DDX31: variants seen among roughly 807,000 people sequenced by gnomAD.
DDX31 encodes the protein DEAD-box helicase 31.
In DDX31, 70 loss-of-function variants were observed where a neutral mutation model predicts 91.3. The ratio of observed to expected loss-of-function variants is 0.77; its 90% CI spans 0.63 to 0.94. The LOEUF (loss-of-function observed/expected upper bound fraction) is 0.94. Among genes scored for constraint, DDX31 ranks in the 40% least tolerant of loss-of-function variants. The probability of loss-of-function intolerance (pLI) is 0.00; values close to 1 mark genes in which losing one functional copy is unlikely to be tolerated. For synonymous variants in DDX31, 362 were observed against 350.6 expected (o/e 1.03, Z -0.36); for missense variants, 902 against 925.0 (o/e 0.98, Z 0.32).
intron 6 of DDX31, chr9:132,658,254 A>G (rs770934006): frequency 2.8e-6 from 2 of 702,740 alleles, no homozygotes; most frequent in East Asian, 5.4e-5. Context: ...AGCCAAACAG[A>G]ACTGAGGTAG....
chr9:132,613,443 C>T (rs1831460632), intron 18 of DDX31, among the ~76,000 whole-genome samples: 1 of 152,132 alleles, frequency 6.6e-6, no homozygotes, highest in African/African-American at 2.4e-5. Flanking sequence ...CCTGTAATCC[C>T]AGCACTTTGG....
chr9:132,614,700 C>A (rs1831533801), intron 18 of DDX31, among the ~76,000 whole-genome samples: 2 of 152,152 alleles, frequency 1.3e-5, no homozygotes, highest in African/African-American at 4.8e-5. Context: ...GAGCTGAGCA[C>A]TGAGAGCATC....
intron 19 of DDX31, among the ~76,000 whole-genome samples, chr9:132,603,914 C>T (rs955113036): frequency 9.2e-5 from 14 of 152,058 alleles, no homozygotes; most frequent in South Asian, 2.1e-4. Context: ...GAGGAGGGTG[C>T]GTTTGTTCCA....
chr9:132,652,808 T>C (rs1834292350), intron 6 of DDX31, among the ~76,000 whole-genome samples: 1 of 152,024 alleles, frequency 6.6e-6, no homozygotes, highest in Admixed American at 6.6e-5. Context: ...TTATCAGGGG[T>C]TTCTGCTTTT....
chr9:132,629,457 G>A (rs1832593443), intron 16 of DDX31, among the ~76,000 whole-genome samples: 2 of 152,218 alleles, frequency 1.3e-5, no homozygotes, highest in Admixed American at 6.5e-5. Context: ...GATGGGAGAC[G>A]GGGCAGGTGT....
At chr9:132,645,775 G>T in intron 13 of DDX31, 120 bp downstream of exon 13, 2 of 1,096,108 alleles carry the variant, frequency 1.8e-6, no homozygotes, top group Non-Finnish European at 1.3e-6. Context: ...CTTGCCCAGT[G>T]GAGTGTGCAA....
Position 132,637,843 on chromosome 9 carries a change from AAAAAGCATACCCCAGAG to A in DDX31, c.1440+4144_1440+4160del. The A allele has an allele frequency of 3.0e-6, 3 of 986,264 alleles. No homozygotes were observed. In the East Asian group the frequency reaches 3.4e-4, roughly 112 times the overall value. The allele number at this position is 986,264 out of a possible 1,614,324, so 61.1% of individuals were successfully genotyped here. On this transcript the variant is annotated intron_variant, in intron 14 of 19. Coordinates refer to ENST00000372159, the MANE Select transcript of DDX31 (RefSeq NM_022779.9). ...AAAACGAAAAAGATACACTTTACCT[AAAAAGCATACCCCAGAG>A]AAAAGCACGAAAGTCTACATTTATT...
chr9:132,649,835 AAAGC>A (rs1387230029), intron 9 of DDX31, among the ~76,000 whole-genome samples: 1 of 152,364 alleles, frequency 6.6e-6, no homozygotes, highest in Middle Eastern at 3.4e-3. Context: ...TCGGTTGTAA[AAAGC>A]AAGTTACAAA....
intron 19 of DDX31, among the ~76,000 whole-genome samples, chr9:132,606,174 T>C (rs1055277182): frequency 1.5e-4 from 23 of 152,186 alleles, no homozygotes; most frequent in African/African-American, 5.3e-4. Flanking sequence ...TCTCATCTCA[T>C]GTTTGGCCAA....
At chr9:132,624,877 C>T (rs1008199681) in intron 17 of DDX31, among the ~76,000 whole-genome samples, 2 of 152,228 alleles carry the variant, frequency 1.3e-5, no homozygotes, top group African/African-American at 4.8e-5. Flanking sequence ...GATCCAAATA[C>T]AGGCACATGC....
chr9:132,642,484 T>C (rs1833564592), intron 13 of DDX31, among the ~76,000 whole-genome samples: 1 of 152,178 alleles, frequency 6.6e-6, no homozygotes, highest in Admixed American at 6.5e-5. Flanking sequence ...AGATTAGATA[T>C]TTATAAAACT....
chr9:132,631,012 C>A (rs946483165), intron 15 of DDX31, among the ~76,000 whole-genome samples: 1 of 152,264 alleles, frequency 6.6e-6, no homozygotes, highest in South Asian at 2.1e-4. Context: ...AGGTTCCCTG[C>A]AGGTAGGGAC....
intron 14 of DDX31, among the ~76,000 whole-genome samples, chr9:132,634,178 T>A (rs1362710351): frequency 6.6e-6 from 1 of 152,202 alleles, no homozygotes; most frequent in Non-Finnish European, 1.5e-5. Context: ...TACTTTTCTC[T>A]TTGTGTTTGG....
chr9:132,647,395 G>GT (rs1342195791), intron 11 of DDX31, among the ~76,000 whole-genome samples: 1 of 152,124 alleles, frequency 6.6e-6, no homozygotes, highest in Non-Finnish European at 1.5e-5. Flanking sequence ...TCACAAAAGC[G>GT]TTTTTGCTAT....
At chr9:132,606,022 C>T (rs983823334) in intron 19 of DDX31, among the ~76,000 whole-genome samples, 3 of 151,866 alleles carry the variant, frequency 2.0e-5, no homozygotes, top group Non-Finnish European at 2.9e-5. Flanking sequence ...GTTTGGGAAG[C>T]GGAGGGAAGA....
At position 132,595,284 on chromosome 9, in the gene DDX31, A is replaced by T. The variant is rs1830385110; in HGVS notation, c.1995-172T>A. ...TTGATATTCGATGCACCAGAAGATT[A>T]GATACGGCGCTGACAGATTTTCATA... On this transcript the variant is annotated intron_variant, in intron 19 of 19. Transcript: ENST00000372159. The surrounding 1 kb of genome is among the most constrained non-coding windows in gnomAD (Gnocchi z 4.6). Among the ~76,000 whole-genome samples the T allele has an allele frequency of 6.6e-6, 1 of 152,248 alleles. No homozygotes were observed. Among genetic ancestry groups the T allele is most frequent in the African/African-American group, 2.4e-5 (1 of 41,462 alleles).
chr9:132,663,307 G>C, intron 1 of DDX31: 2 of 1,288,972 alleles, frequency 1.6e-6, no homozygotes, highest in Non-Finnish European at 2.0e-6. Context: ...AAATTCCTAC[G>C]CCCTGTTCCC....
rs974553528 is a variant in DDX31 at position 132,632,231 on chromosome 9, C to T, written c.1441-140G>A. On this transcript the variant is annotated intron_variant, in intron 14 of 19. Coordinates refer to ENST00000372159, the MANE Select transcript of DDX31 (RefSeq NM_022779.9). ...CACATTCGGGCATACACGTATATGC[C>T]CAGTACGTGTACACACACACACACA... The T allele has an allele frequency of 1.3e-5, 6 of 450,272 alleles. No individual in the cohort carries two copies. The Admixed American group carries it at 1.6e-4, about 12-fold the overall frequency. 27.9% of individuals were successfully genotyped at this position (450,272 alleles called of 1,614,324 possible). A position where few individuals can be genotyped will look rare whatever the true frequency, so the allele number is the denominator to read the frequency against.
chr9:132,629,053 C>G (rs946093032), intron 16 of DDX31, among the ~76,000 whole-genome samples: 1 of 152,206 alleles, frequency 6.6e-6, no homozygotes, highest in African/African-American at 2.4e-5. Context: ...GTGTCAGCCT[C>G]GATGCTGAAA....
Sources: allele counts gnomAD v4.1 joint callset (sites outside exome capture counted in the v4.1 genomes callset), GRCh38; gene constraint gnomAD v4.1.1; non-coding constraint Gnocchi (gnomAD v3.1); transcripts MANE v1.5; gene names NCBI Gene and HGNC (gene_info 2026-07-23, HGNC 2026-07-21).